Variants in RANBP2 observed in about 807,000 individuals in gnomAD.
RANBP2 encodes the protein E3 SUMO-protein ligase RanBP2.
A neutral mutation model predicts 303.6 loss-of-function variants in RANBP2; 57 were observed. The ratio of observed to expected loss-of-function variants is 0.19; its 90% CI spans 0.15 to 0.23. RANBP2 has a LOEUF of 0.23. Ranked by LOEUF, RANBP2 falls within the 10% of genes least tolerant of loss-of-function variation. RANBP2 has a pLI of 1.00. For missense variants in RANBP2, 3,138 were observed against 3,780.8 expected, an observed-to-expected ratio of 0.83 and a Z score of 4.46; for synonymous variants, 1,167 against 1,301.5, an observed-to-expected ratio of 0.90 and a Z score of 2.23.
the RANBP2 span, among the ~76,000 whole-genome samples, chr2:109,021,294 C>A: frequency 6.6e-6 from 1 of 152,064 alleles, no homozygotes; most frequent in African/African-American, 2.4e-5. Context: ...GAGGCTGAGG[C>A]GGGTGGATCA....
the RANBP2 span, among the ~76,000 whole-genome samples, chr2:109,726,617 G>T: frequency 1.2e-4 from 18 of 152,270 alleles, no homozygotes; most frequent in Middle Eastern, 3.4e-3. Context: ...ATCCTGGTCA[G>T]CTTCCTAACC....
At chr2:109,593,241 T>C in the RANBP2 span, 1 of 552,768 alleles carries the variant, frequency 1.8e-6, no homozygotes, top group East Asian at 3.1e-5. Context: ...CAAGTTTTGA[T>C]GTGTAGTCTA....
the RANBP2 span, among the ~76,000 whole-genome samples, chr2:109,666,156 A>G: frequency 2.0e-5 from 3 of 152,078 alleles, no homozygotes; most frequent in East Asian, 5.8e-4. Flanking sequence ...AAATTACTGC[A>G]AAATAAATAC....
the RANBP2 span, among the ~76,000 whole-genome samples, chr2:108,902,097 G>GA: frequency 6.6e-6 from 1 of 152,214 alleles, no homozygotes; most frequent in South Asian, 2.1e-4. Flanking sequence ...AATTAGCTGG[G>GA]CATGGTGGCA....
the RANBP2 span, among the ~76,000 whole-genome samples, chr2:109,216,191 G>C: frequency 2.0e-5 from 3 of 152,178 alleles, no homozygotes; most frequent in East Asian, 5.8e-4. Context: ...GGATCCACTA[G>C]GCACCTGCCC....
At chr2:108,823,188 C>T in the RANBP2 span, among the ~76,000 whole-genome samples, 2 of 152,164 alleles carry the variant, frequency 1.3e-5, no homozygotes, top group African/African-American at 4.8e-5. Flanking sequence ...CAGAGAGCTT[C>T]ACTTTAGAAT....
the RANBP2 span, among the ~76,000 whole-genome samples, chr2:108,809,451 TGTGTG>T: frequency 8.6e-3 from 223 of 25,958 alleles, 1 homozygote; most frequent in Middle Eastern, 0.016. Flanking sequence ...TGAAATGTTG[TGTGTG>T]TGTGTGTGTG....
the RANBP2 span, chr2:109,574,624 A>G: frequency 6.2e-7 from 1 of 1,604,978 alleles, no homozygotes; most frequent in Non-Finnish European, 8.5e-7. Context: ...AAGTGTCTTC[A>G]GAGAGTGGCC....
At chr2:108,739,120 C>G (rs1462465949) in intron 6 of RANBP2, among the ~76,000 whole-genome samples, 1 of 151,898 alleles carries the variant, frequency 6.6e-6, no homozygotes, top group Non-Finnish European at 1.5e-5. Flanking sequence ...AAACTCAGCT[C>G]AGCGGGGCGC....
chr2:109,133,520 A>G, the RANBP2 span, among the ~76,000 whole-genome samples: 10 of 152,194 alleles, frequency 6.6e-5, no homozygotes, highest in Non-Finnish European at 1.2e-4. Context: ...TTAGCTGAAC[A>G]CAGTCACCTT....
At chr2:109,446,473 T>G in the RANBP2 span, among the ~76,000 whole-genome samples, 1 of 152,088 alleles carries the variant, frequency 6.6e-6, no homozygotes, top group Non-Finnish European at 1.5e-5. Context: ...GCTAAGAGCC[T>G]TGGGAGCAAA....
At chr2:109,294,680 G>A in the RANBP2 span, among the ~76,000 whole-genome samples, 1 of 152,090 alleles carries the variant, frequency 6.6e-6, no homozygotes, top group Non-Finnish European at 1.5e-5. Context: ...GTGATGTGGT[G>A]ACGGGGCTGG....
the RANBP2 span, among the ~76,000 whole-genome samples, chr2:108,859,244 G>A: frequency 1.3e-5 from 2 of 152,128 alleles, no homozygotes; most frequent in East Asian, 3.9e-4. Context: ...ACTTTTTAAC[G>A]GGGTTGCTTT....
chr2:109,137,217 T>C, the RANBP2 span, among the ~76,000 whole-genome samples: 1 of 152,248 alleles, frequency 6.6e-6, no homozygotes, highest in Admixed American at 6.5e-5. Context: ...TTAGTGAGTT[T>C]GCAGTGGGTT....
chr2:109,189,387 T>A, the RANBP2 span, among the ~76,000 whole-genome samples: 2 of 151,996 alleles, frequency 1.3e-5, no homozygotes, highest in Admixed American at 1.3e-4. Context: ...TTTTTCTTTT[T>A]TTTGAGACGG....
chr2:108,833,471 A>G, the RANBP2 span, among the ~76,000 whole-genome samples: 1 of 152,234 alleles, frequency 6.6e-6, no homozygotes. Context: ...AGGTTTTCCA[A>G]GAGCTTGGCA....
At chr2:109,462,499 GC>G in the RANBP2 span, among the ~76,000 whole-genome samples, 1 of 152,128 alleles carries the variant, frequency 6.6e-6, no homozygotes, top group East Asian at 1.9e-4. Context: ...TTCTGCACCG[GC>G]CAAACAGGAG....
chr2:109,558,434 A>AT, the RANBP2 span, among the ~76,000 whole-genome samples: 1 of 152,230 alleles, frequency 6.6e-6, no homozygotes, highest in South Asian at 2.1e-4. Flanking sequence ...AATGACAGTG[A>AT]TTTTGTGCTA....
the RANBP2 span, among the ~76,000 whole-genome samples, chr2:109,227,675 T>G: frequency 6.6e-6 from 1 of 152,244 alleles, no homozygotes; most frequent in African/African-American, 2.4e-5. Context: ...CCCCTGCTTC[T>G]GTGCTGTGCT....
Sources: gnomAD v4.1 joint callset for allele counts (sites outside exome capture counted in the v4.1 genomes callset) on GRCh38, gnomAD v4.1.1 for gene constraint, MANE v1.5 for transcripts, NCBI Gene and HGNC (gene_info 2026-07-23, HGNC 2026-07-21) for gene names.